The following CHN2 variants were observed in gnomAD, a reference collection of about 807,000 sequenced individuals.
The protein encoded by CHN2 is chimerin 2, also known as beta-chimaerin.
In CHN2, 35 loss-of-function variants were observed where a neutral mutation model predicts 56.3. The observed-to-expected ratio is 0.62, with a 90% CI of 0.47 to 0.82. CHN2 has a LOEUF of 0.82. CHN2 is among the 40% of genes least tolerant of loss of function. The pLI is 0.00. For missense variants in CHN2, 491 were observed against 580.5 expected (o/e 0.85, Z 1.58); for synonymous variants, 210 against 212.8 (o/e 0.99, Z 0.12).
intron 2 of CHN2, among the ~76,000 whole-genome samples, chr7:29,150,161 T>C (rs1395190953): frequency 1.3e-5 from 2 of 152,214 alleles, no homozygotes; most frequent in Non-Finnish European, 2.9e-5. Flanking sequence ...TTGGGTTTGT[T>C]AAGCCCTAGT....
intron 6 of CHN2, among the ~76,000 whole-genome samples, chr7:29,433,200 G>A (rs1782975545): frequency 6.6e-6 from 1 of 152,166 alleles, no homozygotes; most frequent in Non-Finnish European, 1.5e-5. Context: ...AAAAAGTGAT[G>A]TGTACACAAA....
intron 6 of CHN2, among the ~76,000 whole-genome samples, chr7:29,422,389 G>C (rs540970968): frequency 2.2e-4 from 33 of 152,280 alleles, no homozygotes; most frequent in African/African-American, 7.9e-4. Flanking sequence ...TTTTAAGGTA[G>C]TTCCAGAGTC....
intron 1 of CHN2, among the ~76,000 whole-genome samples, chr7:29,302,171 A>C (rs1421386734): frequency 2.6e-5 from 4 of 152,230 alleles, no homozygotes; most frequent in African/African-American, 7.2e-5. Context: ...GATTTTAAAA[A>C]TTGTGGTCAA....
chr7:29,146,951 T>G, exon 2 of CHN2: 1 of 1,551,102 alleles, frequency 6.4e-7, no homozygotes, highest in Admixed American at 2.0e-5. Flanking sequence ...ACATTCCAGC[T>G]GCACTAGCAG....
intron 2 of CHN2, among the ~76,000 whole-genome samples, chr7:29,178,195 T>A (rs1184303436): frequency 2.0e-5 from 3 of 152,238 alleles, no homozygotes; most frequent in Admixed American, 6.5e-5. Flanking sequence ...CCGTGCACCC[T>A]GCTCTTCTTA....
intron 1 of CHN2, among the ~76,000 whole-genome samples, chr7:29,195,629 A>AGAGAGAGT (rs869037854): frequency 3.6e-4 from 42 of 117,570 alleles, no homozygotes; most frequent in Middle Eastern, 4.4e-3. Flanking sequence ...AGAGAGAGAG[A>AGAGAGAGT]GTGTGTGTGT....
intron 3 of CHN2, among the ~76,000 whole-genome samples, chr7:29,376,833 C>A (rs1209161964): frequency 6.6e-6 from 1 of 152,100 alleles, no homozygotes; most frequent in East Asian, 1.9e-4. Context: ...TTTGCTATTT[C>A]TAACTTTCCT....
chr7:29,229,940 G>T (rs532163547), intron 1 of CHN2, among the ~76,000 whole-genome samples: 44 of 152,018 alleles, frequency 2.9e-4, no homozygotes, highest in Non-Finnish European at 5.4e-4. Context: ...TCACACCACT[G>T]CACTCCAGCC....
At chr7:29,469,526 T>C (rs558907337) in intron 6 of CHN2, among the ~76,000 whole-genome samples, 23 of 152,294 alleles carry the variant, frequency 1.5e-4, no homozygotes, top group Admixed American at 1.2e-3. Flanking sequence ...CTTTGCTATT[T>C]CTGGAGCCTA....
At chr7:29,486,170 G>A (rs753718046) in intron 7 of CHN2, among the ~76,000 whole-genome samples, 16 of 152,284 alleles carry the variant, frequency 1.1e-4, no homozygotes, top group East Asian at 1.9e-4. Flanking sequence ...GAGAGGGTTC[G>A]TGGAGTGGGG....
chr7:29,355,098 A>C (rs1014792763), intron 2 of CHN2, among the ~76,000 whole-genome samples: 2 of 151,852 alleles, frequency 1.3e-5, no homozygotes, highest in Non-Finnish European at 2.9e-5. Flanking sequence ...CCTCCCAAGT[A>C]GCTGAGATTA....
intron 1 of CHN2, among the ~76,000 whole-genome samples, chr7:29,273,845 A>G (rs972377934): frequency 6.6e-6 from 1 of 152,194 alleles, no homozygotes; most frequent in Non-Finnish European, 1.5e-5. Context: ...CATGTCATGC[A>G]CTTTCTGAAA....
At chr7:29,380,145 A>C (rs1800380141) in intron 3 of CHN2, among the ~76,000 whole-genome samples, 5 of 151,988 alleles carry the variant, frequency 3.3e-5, no homozygotes, top group Non-Finnish European at 7.3e-5. Flanking sequence ...CTTGTCTATA[A>C]GAAGAAGGCA....
intron 1 of CHN2, among the ~76,000 whole-genome samples, chr7:29,204,471 C>T (rs1784386157): frequency 6.6e-6 from 1 of 152,162 alleles, no homozygotes; most frequent in Non-Finnish European, 1.5e-5. Flanking sequence ...TTTTGTTTTA[C>T]AGTGCTTGTC....
chr7:29,323,192 G>A (rs1178207216), intron 1 of CHN2, among the ~76,000 whole-genome samples: 1 of 144,186 alleles, frequency 6.9e-6, no homozygotes, highest in African/African-American at 2.6e-5. Flanking sequence ...GTGCTTGCTT[G>A]TATTGGCACT....
chr7:29,513,478 T>G lies in CHN2; in HGVS notation c.*743T>G, dbSNP rs1368406381. 1.3e-5 allele frequency: 2 copies of G among 152,326 alleles called. No homozygotes were observed. The highest frequency in any genetic ancestry group is 4.8e-5 in the African/African-American group (2 of 41,470). The allele number at this position is 152,326 out of a possible 1,614,324, so 9.4% of individuals were successfully genotyped here. The stretch of plus-strand genomic sequence containing the variant: ...TTTCTATGCATACAAATTTTGTGAA[T>G]TCCCAAAGTATGCTTTGGAATTGGT... On this transcript the variant is annotated 3_prime_UTR_variant, in exon 13 of 13. Transcript: ENST00000222792.
intron 6 of CHN2, among the ~76,000 whole-genome samples, chr7:29,459,521 G>C (rs751049245): frequency 2.0e-5 from 3 of 152,160 alleles, no homozygotes; most frequent in Admixed American, 6.6e-5. Context: ...GGGTCAGGTG[G>C]AGAGCCCACA....
chr7:29,348,827 A>G (rs996065879), intron 1 of CHN2, among the ~76,000 whole-genome samples: 4 of 152,218 alleles, frequency 2.6e-5, no homozygotes, highest in African/African-American at 4.8e-5. Context: ...AGCAATATAT[A>G]CAGAAAATTG....
chr7:29,165,554 C>A (rs1795800374), intron 2 of CHN2, among the ~76,000 whole-genome samples: 2 of 151,926 alleles, frequency 1.3e-5, no homozygotes, highest in Non-Finnish European at 2.9e-5. Context: ...ATTTCTTTTT[C>A]TTTCATTAAT....
Sources: gnomAD v4.1 joint callset for allele counts (sites outside exome capture counted in the v4.1 genomes callset) on GRCh38, gnomAD v4.1.1 for gene constraint, MANE v1.5 for transcripts, NCBI Gene and HGNC (gene_info 2026-07-23, HGNC 2026-07-21) for gene names.